MRTFB: variants seen among roughly 807,000 people sequenced by gnomAD.
MRTFB encodes myocardin related transcription factor B.
Under a neutral mutation model 104.2 loss-of-function variants are expected in MRTFB, and 29 were observed. That is an observed-to-expected ratio of 0.28 (90% confidence interval 0.21 to 0.38). The LOEUF (loss-of-function observed/expected upper bound fraction) is 0.38, where lower values mean the gene tolerates loss of function less well. MRTFB is among the 10% of genes least tolerant of loss of function. MRTFB has a pLI of 1.00. For missense variants in MRTFB, 1,270 were observed against 1,341.6 expected (o/e 0.95, Z 0.83); for synonymous variants, 535 against 519.5 (o/e 1.03, Z -0.41).
chr16:14,001,156 C>A, the MRTFB span, among the ~76,000 whole-genome samples: 1 of 152,192 alleles, frequency 6.6e-6, no homozygotes, highest in Non-Finnish European at 1.5e-5. Flanking sequence ...TCAGTTAAGA[C>A]GCTTGTGGTT....
intron 2 of MRTFB, among the ~76,000 whole-genome samples, chr16:14,132,367 C>A (rs1445762213): frequency 1.3e-5 from 2 of 151,418 alleles, no homozygotes; most frequent in African/African-American, 2.4e-5. Flanking sequence ...TGGTTACATA[C>A]CTTCTGAATA....
chr16:14,156,438 C>T (rs759979733), intron 3 of MRTFB, among the ~76,000 whole-genome samples: 1 of 152,166 alleles, frequency 6.6e-6, no homozygotes, highest in Admixed American at 6.5e-5. Context: ...AGTGGATGAA[C>T]GAAATTAAAT....
At chr16:14,099,670 CTTT>C (rs200952464) in intron 2 of MRTFB, among the ~76,000 whole-genome samples, 2 of 136,324 alleles carry the variant, frequency 1.5e-5, no homozygotes, top group African/African-American at 2.7e-5. Flanking sequence ...CTTTTCTTTT[CTTT>C]TTTTTTTTTT....
At chr16:14,012,295 C>CTTTTTTTTTTTTTTTTTTTTTTTTTTTT in the MRTFB span, among the ~76,000 whole-genome samples, 1 of 107,922 alleles carries the variant, frequency 9.3e-6, no homozygotes, top group Non-Finnish European at 1.8e-5. Flanking sequence ...CTTTTTCTTT[C>CTTTTTTTTTTTTTTTTTTTTTTTTTTTT]TTTCTTTTTT....
chr16:14,161,594 A>C (rs781387746), intron 3 of MRTFB, among the ~76,000 whole-genome samples: 1 of 152,204 alleles, frequency 6.6e-6, no homozygotes, highest in Non-Finnish European at 1.5e-5. Context: ...GATAGATTGC[A>C]TTATATTTAC....
intron 3 of MRTFB, among the ~76,000 whole-genome samples, chr16:14,196,969 T>TC (rs2040462864): frequency 7.5e-6 from 1 of 133,028 alleles, no homozygotes; most frequent in Non-Finnish European, 1.6e-5. Context: ...TTTTTCTTTT[T>TC]TTTTTTTTTT....
intron 9 of MRTFB, among the ~76,000 whole-genome samples, chr16:14,237,672 G>A (rs2042580599): frequency 6.6e-6 from 1 of 152,156 alleles, no homozygotes; most frequent in Admixed American, 6.5e-5. Flanking sequence ...GTGGGCAAGG[G>A]AGTACAGAAA....
chr16:14,247,413 T>G lies in MRTFB; in HGVS notation c.2153T>G (p.Leu718Arg), dbSNP rs758446356. Residue 718 changes from leucine to arginine, a missense_variant, in exon 12 of 17, where the codon CTG becomes CGG. Physicochemically the swap from Leu to Arg is moderately radical, Grantham distance 102 (BLOSUM62 -2). Around this residue, in one of 3 missense-constraint regions of MRTFB, gnomAD observed 1,144 missense variants for 1,131.5 expected, o/e 1.01. Coordinates refer to ENST00000571589, the MANE Select transcript of MRTFB (RefSeq NM_001308142.2). Reference sequence around the variant, plus strand: ...GTTGTTGCTCAGCCCCAGGCTTTACTGACCACGCAGACTGCTCAGCTGCTG... The same window carrying G: ...GTTGTTGCTCAGCCCCAGGCTTTACGGACCACGCAGACTGCTCAGCTGCTG... ...PAVVAQPQAL[L>R]TTQTAQLLLP... 3 of 1,612,242 alleles carry G rather than the reference T, an allele frequency of 1.9e-6. No individual in the cohort carries two copies. In the African/African-American group the frequency reaches 4.0e-5, roughly 22 times the overall value.
intron 8 of MRTFB, among the ~76,000 whole-genome samples, chr16:14,221,264 A>ATAGAATT (rs1214745550): frequency 1.3e-5 from 2 of 152,194 alleles, no homozygotes; most frequent in Non-Finnish European, 2.9e-5. Context: ...GTGTTTGGTT[A>ATAGAATT]TAGAATTTGC....
chr16:14,078,798 TATATA>T (rs1215656142), intron 1 of MRTFB, among the ~76,000 whole-genome samples: 1 of 146,898 alleles, frequency 6.8e-6, no homozygotes, highest in Non-Finnish European at 1.5e-5. Flanking sequence ...GATTTATTAT[TATATA>T]ATAACATTAT....
chr16:14,077,638 TC>T (rs1258248334), intron 1 of MRTFB, among the ~76,000 whole-genome samples: 3 of 151,664 alleles, frequency 2.0e-5, no homozygotes, highest in Admixed American at 2.0e-4. Flanking sequence ...GAACTTAAAA[TC>T]TATTTGACTT....
intron 2 of MRTFB, among the ~76,000 whole-genome samples, chr16:14,128,608 G>C (rs879806746): frequency 3.3e-5 from 5 of 152,166 alleles, no homozygotes; most frequent in Non-Finnish European, 7.4e-5. Flanking sequence ...GCTTTCATTA[G>C]CAACAGATCT....
chr16:14,173,942 A>G (rs1163490071), intron 3 of MRTFB, among the ~76,000 whole-genome samples: 2 of 151,882 alleles, frequency 1.3e-5, no homozygotes, highest in Non-Finnish European at 2.9e-5. Context: ...TTCCTTTTTT[A>G]TGAGTTAATA....
intron 2 of MRTFB, among the ~76,000 whole-genome samples, chr16:14,129,007 A>G (rs540764338): frequency 2.0e-5 from 3 of 152,234 alleles, no homozygotes; most frequent in Non-Finnish European, 2.9e-5. Context: ...CAGCATGTCC[A>G]AGTATTGAAG....
At chr16:14,147,150 G>T (rs760265895) in intron 3 of MRTFB, among the ~76,000 whole-genome samples, 13 of 152,186 alleles carry the variant, frequency 8.5e-5, no homozygotes, top group Non-Finnish European at 7.3e-5. Context: ...CCTGCTTTCA[G>T]GAGTTAGAGT....
At position 14,242,964 on chromosome 16, in the gene MRTFB, T is replaced by G. The variant is rs76296960; in HGVS notation, c.1079+2480T>G. On this transcript the variant is annotated intron_variant, in intron 10 of 16. Transcript: ENST00000571589. ...AGGTGGCTCAGCAGGGAGACTACTC[T>G]TACGTAATAAAGCACAGACTTACCT... Among the ~76,000 whole-genome samples the G allele has an allele frequency of 5.1e-3, 771 of 152,158 alleles. 3 individuals are homozygous for G. Among genetic ancestry groups the G allele is most frequent in the African/African-American group, 0.018 (732 of 41,512 alleles).
intron 3 of MRTFB, among the ~76,000 whole-genome samples, chr16:14,179,881 T>G (rs1029445397): frequency 6.6e-6 from 1 of 152,168 alleles, no homozygotes; most frequent in Non-Finnish European, 1.5e-5. Flanking sequence ...CAGGAGTGTT[T>G]AGAAACTTTA....
intron 3 of MRTFB, chr16:14,200,640 T>C (rs2040654499): frequency 6.4e-7 from 1 of 1,572,302 alleles, no homozygotes; most frequent in Admixed American, 1.7e-5. Flanking sequence ...TGGAATCACG[T>C]TGATGAAGAT....
At chr16:14,162,855 G>A (rs1338701517) in intron 3 of MRTFB, among the ~76,000 whole-genome samples, 3 of 152,288 alleles carry the variant, frequency 2.0e-5, no homozygotes, top group South Asian at 2.1e-4. Flanking sequence ...TACTTATGAT[G>A]TGTACCTTTC....
Sources: allele counts gnomAD v4.1 joint callset (sites outside exome capture counted in the v4.1 genomes callset), GRCh38; gene constraint gnomAD v4.1.1; regional missense constraint gnomAD v4.1.1; transcripts MANE v1.5; gene names NCBI Gene and HGNC (gene_info 2026-07-23, HGNC 2026-07-21).